Variants in AKT3 observed in about 807,000 individuals in gnomAD.
AKT3 encodes AKT serine/threonine kinase 3.
A neutral mutation model predicts 65.3 loss-of-function variants in AKT3; 15 were observed. That is an observed-to-expected ratio of 0.23 (90% CI 0.15 to 0.35). AKT3 has a LOEUF of 0.35. Ranked by LOEUF, AKT3 falls within the 10% of genes least tolerant of loss-of-function variation. The probability of loss-of-function intolerance (pLI) is 1.00; values close to 1 mark genes in which losing one functional copy is unlikely to be tolerated. For synonymous variants in AKT3, 206 were observed against 183.8 expected, an observed-to-expected ratio of 1.12 and a Z score of -0.98; for missense variants, 243 against 576.5, an observed-to-expected ratio of 0.42 and a Z score of 5.92.
chr1:243,599,658 C>G (rs1203737091), intron 8 of AKT3, among the ~76,000 whole-genome samples: 1 of 152,108 alleles, frequency 6.6e-6, no homozygotes, highest in Non-Finnish European at 1.5e-5. Flanking sequence ...TTAAACTCAT[C>G]AAATTACTAA....
chr1:243,804,112 A>G (rs1692567143), intron 2 of AKT3, among the ~76,000 whole-genome samples: 2 of 152,138 alleles, frequency 1.3e-5, no homozygotes, highest in South Asian at 2.1e-4. Flanking sequence ...TTGGACTCCC[A>G]TTTACTTAAT....
intron 8 of AKT3, among the ~76,000 whole-genome samples, chr1:243,605,102 A>G (rs2148583803): frequency 6.6e-6 from 1 of 152,248 alleles, no homozygotes; most frequent in Admixed American, 6.5e-5. Flanking sequence ...ATGGCTCACT[A>G]TAACCCTGAG....
At chr1:243,615,461 T>C (rs796478967) in intron 6 of AKT3, among the ~76,000 whole-genome samples, 27 of 152,304 alleles carry the variant, frequency 1.8e-4, no homozygotes, top group African/African-American at 5.3e-4. Flanking sequence ...AAATTAAATA[T>C]TGAGCTTTCC....
At chr1:243,597,749 G>A (rs1487855048) in intron 8 of AKT3, among the ~76,000 whole-genome samples, 1 of 152,198 alleles carries the variant, frequency 6.6e-6, no homozygotes, top group South Asian at 2.1e-4. Flanking sequence ...TGATCCTCCT[G>A]CCTTGGCCTC....
chr1:243,843,390 T>A, intron 1 of AKT3, 108 bp from the exon 2 acceptor site: 1 of 1,179,050 alleles, frequency 8.5e-7, no homozygotes. Context: ...TGACCTCACA[T>A]AAAAGTCTGG....
chr1:243,706,198 T>TACC (rs559760716), intron 2 of AKT3, among the ~76,000 whole-genome samples: 1 of 152,172 alleles, frequency 6.6e-6, no homozygotes, highest in Non-Finnish European at 1.5e-5. Context: ...TAAATAAACC[T>TACC]ACCACCATTT....
chr1:243,646,128 A>C, intron 4 of AKT3, 91 bp from the exon 5 acceptor site: 7 of 1,143,750 alleles, frequency 6.1e-6, no homozygotes, highest in Non-Finnish European at 8.5e-6. Flanking sequence ...ATACAAATAA[A>C]ATCTATTCAG....
rs768623078 is a variant in AKT3 at position 243,628,304 on chromosome 1, C to CTT, written c.561+9305_561+9306dup. 3.4e-3 allele frequency among the ~76,000 whole-genome samples: 497 copies of CTT among 147,338 alleles called. 2 individuals carry two copies. The highest frequency in any genetic ancestry group is 0.012 in the African/African-American group (476 of 40,334). On this transcript the variant is annotated intron_variant, in intron 6 of 13. Coordinates refer to ENST00000673466, the MANE Select transcript of AKT3 (RefSeq NM_005465.7). The stretch of plus-strand genomic sequence containing the variant: ...CTTACCATATTCAATAGAAGAAAAC[C>CTT]TTTTTTTTTTTGAGACAGGGTCTCA...
intron 2 of AKT3, among the ~76,000 whole-genome samples, chr1:243,730,037 C>T (rs1390783839): frequency 1.3e-5 from 2 of 152,192 alleles, no homozygotes; most frequent in Non-Finnish European, 1.5e-5. Context: ...ACCTTCAGGG[C>T]ACACACAGCA....
At chr1:243,825,856 G>A (rs1318957264) in intron 2 of AKT3, among the ~76,000 whole-genome samples, 1 of 152,144 alleles carries the variant, frequency 6.6e-6, no homozygotes, top group Non-Finnish European at 1.5e-5. Flanking sequence ...GCATAGCCAG[G>A]TGCGGTGGCT....
chr1:243,495,403 C>A (rs1191278549), downstream of AKT3, among the ~76,000 whole-genome samples: 4 of 152,206 alleles, frequency 2.6e-5, no homozygotes, highest in African/African-American at 7.2e-5. Context: ...CAAAGCCAAG[C>A]CCTGCGGTGG....
chr1:243,648,695 G>T (rs1327550932), intron 4 of AKT3, among the ~76,000 whole-genome samples: 1 of 152,162 alleles, frequency 6.6e-6, no homozygotes, highest in Non-Finnish European at 1.5e-5. Flanking sequence ...CAATAAGGCT[G>T]TCTGGGCTTG....
In AKT3 at chr1:243,501,885, T is replaced by C. The variant is rs1363204527; in HGVS notation, c.*3364A>G. ...GTACAAAAACAGTTTCTCCTAGTTA[T>C]TCCACATCCTTGTGGGTCATATACT... On this transcript the variant is annotated 3_prime_UTR_variant, in exon 14 of 14. Transcript: ENST00000673466. The C allele has an allele frequency of 3.0e-5, 7 of 232,590 alleles. No homozygotes were observed. The highest frequency in any genetic ancestry group is 5.9e-5 in the Non-Finnish European group (7 of 117,772). The allele number at this position is 232,590 out of a possible 1,614,324, so 14.4% of individuals were successfully genotyped here.
chr1:243,490,975 C>T (rs764519275), intron 13 of AKT3, among the ~76,000 whole-genome samples: 1 of 152,234 alleles, frequency 6.6e-6, no homozygotes. Context: ...GCTCTTGTCA[C>T]ATAGGAGGGA....
At chr1:243,594,124 T>C (rs1405198300) in intron 8 of AKT3, among the ~76,000 whole-genome samples, 1 of 152,174 alleles carries the variant, frequency 6.6e-6, no homozygotes, top group Non-Finnish European at 1.5e-5. Flanking sequence ...AAGGTTAATA[T>C]ATAAAAACCA....
At chr1:243,801,183 C>T (rs189457757) in intron 2 of AKT3, among the ~76,000 whole-genome samples, 1 of 152,048 alleles carries the variant, frequency 6.6e-6, no homozygotes, top group Non-Finnish European at 1.5e-5. Context: ...CTATGTTATT[C>T]CTCAGGGCCT....
rs533952015 is a variant in AKT3, at chr1:243,691,959, AG to A, written c.172+3631del. Among the ~76,000 whole-genome samples, 1,026 of 152,318 alleles carry A rather than the reference AG, an allele frequency of 6.7e-3. 6 individuals carry two copies. Among genetic ancestry groups the A allele is most frequent in the Non-Finnish European group, 0.011 (774 of 68,014 alleles). The stretch of plus-strand genomic sequence containing the variant: ...AGAACTGTGCATTAGCCTAAGGGGT[AG>A]GGGGGAACAGGAAAGAGGTATATCC... On this transcript the variant is annotated intron_variant, in intron 3 of 13. Coordinates refer to ENST00000673466, the MANE Select transcript of AKT3 (RefSeq NM_005465.7).
chr1:243,766,566 T>C (rs75961117), intron 2 of AKT3, among the ~76,000 whole-genome samples: 1 of 152,186 alleles, frequency 6.6e-6, no homozygotes, highest in African/African-American at 2.4e-5. Context: ...TGTCTCATGT[T>C]CTATGGCACA....
rs1393369727 is a variant in AKT3 at position 243,672,625 on chromosome 1, T to A, written c.173-7742A>T. Among the ~76,000 whole-genome samples, 4 of 152,348 alleles carry A rather than the reference T, an allele frequency of 2.6e-5. No homozygotes were observed. In the East Asian group the frequency reaches 7.7e-4, roughly 29 times the overall value. ...CACATTCCAAATTGTGACATTTTAA[T>A]TATCATAAACCACCACTTTGGAATT... On this transcript the variant is annotated intron_variant, in intron 3 of 13. Transcript: ENST00000673466.
Sources: allele counts gnomAD v4.1 joint callset (sites outside exome capture counted in the v4.1 genomes callset), GRCh38; gene constraint gnomAD v4.1.1; transcripts MANE v1.5; gene names NCBI Gene and HGNC (gene_info 2026-07-23, HGNC 2026-07-21).